REC114: variants seen among roughly 807,000 people sequenced by gnomAD.
The protein encoded by REC114 is meiotic recombination protein REC114.
REC114 carries 27 observed loss-of-function variants against 31.3 expected under a neutral mutation model. The observed-to-expected ratio is 0.86, with a 90% CI of 0.64 to 1.19. The LOEUF is 1.19. REC114 is among the 50% of genes most tolerant of loss of function. The pLI, the probability that REC114 is intolerant of heterozygous loss-of-function variation, is 0.00. For missense variants in REC114, 344 were observed against 326.9 expected (o/e 1.05, Z -0.40); for synonymous variants, 134 against 127.7 (o/e 1.05, Z -0.33).
chr15:73,477,828 T>G (rs1332084990), intron 2 of REC114, among the ~76,000 whole-genome samples: 1 of 152,194 alleles, frequency 6.6e-6, no homozygotes, highest in East Asian at 1.9e-4. Flanking sequence ...TATTTTTATT[T>G]CATGTAGTGG....
chr15:73,474,167 A>G (rs182196243), intron 2 of REC114, among the ~76,000 whole-genome samples: 15 of 152,352 alleles, frequency 9.8e-5, no homozygotes, highest in Admixed American at 8.5e-4. Context: ...AACCAGTATG[A>G]TAAAGGATTC....
intron 2 of REC114, among the ~76,000 whole-genome samples, chr15:73,514,647 CGTT>C (rs1410753494): frequency 3.3e-5 from 5 of 151,764 alleles, no homozygotes; most frequent in Non-Finnish European, 5.9e-5. Context: ...TTTTACAAAT[CGTT>C]GGTTCTATAT....
intron 2 of REC114, among the ~76,000 whole-genome samples, chr15:73,490,998 G>A (rs967294372): frequency 1.3e-4 from 19 of 151,956 alleles, no homozygotes; most frequent in African/African-American, 4.4e-4. Context: ...AGCCTTATCC[G>A]CATCATGCTG....
At chr15:73,451,840 A>G (rs1241021262) in intron 1 of REC114, among the ~76,000 whole-genome samples, 1 of 152,220 alleles carries the variant, frequency 6.6e-6, no homozygotes, top group African/African-American at 2.4e-5. Context: ...TACACAAATC[A>G]ATAAATGTAA....
intron 2 of REC114, among the ~76,000 whole-genome samples, chr15:73,494,246 A>C (rs1893485346): frequency 6.6e-6 from 1 of 152,172 alleles, no homozygotes; most frequent in South Asian, 2.1e-4. Flanking sequence ...TATGAGTTAA[A>C]AGTTCAAGAT....
chr15:73,556,696 AAAG>A (rs1433307251), intron 5 of REC114, among the ~76,000 whole-genome samples: 1 of 152,218 alleles, frequency 6.6e-6, no homozygotes, highest in East Asian at 1.9e-4. Context: ...CTTTCCCAAA[AAAG>A]AATAAATGGA....
At chr15:73,516,649 A>G (rs1398776288) in intron 2 of REC114, among the ~76,000 whole-genome samples, 1 of 151,912 alleles carries the variant, frequency 6.6e-6, no homozygotes. Context: ...AGCTATAAAT[A>G]ATTTTTATAC....
At chr15:73,472,855 G>A (rs544999753) in intron 1 of REC114, among the ~76,000 whole-genome samples, 1 of 152,258 alleles carries the variant, frequency 6.6e-6, no homozygotes, top group Admixed American at 6.5e-5. Flanking sequence ...TGAATAAAGG[G>A]AAGTATGATT....
intron 2 of REC114, among the ~76,000 whole-genome samples, chr15:73,524,008 G>A (rs1278179881): frequency 6.6e-6 from 1 of 151,876 alleles, no homozygotes; most frequent in African/African-American, 2.4e-5. Context: ...TTGTACAAGG[G>A]GTCTTCAAAA....
At chr15:73,543,731 G>A (rs997194395) in intron 3 of REC114, among the ~76,000 whole-genome samples, 1 of 152,054 alleles carries the variant, frequency 6.6e-6, no homozygotes, top group Admixed American at 6.6e-5. Flanking sequence ...TTTATTAACT[G>A]TTTTTTAATT....
Position 73,540,526 on chromosome 15 carries a change from T to C in REC114, c.291T>C (p.Ile97=), listed in dbSNP as rs1346781263. 1 of 1,614,030 alleles carries C rather than the reference T, an allele frequency of 6.2e-7. No homozygotes were observed. Among genetic ancestry groups the C allele is most frequent in the Non-Finnish European group, 8.5e-7 (1 of 1,179,866 alleles). The change falls in exon 3 of 6, where the codon ATT becomes ATC. Residue 97 remains isoleucine (I), a synonymous_variant. Transcript: ENST00000331090. Reference sequence around the variant, plus strand: ...TTGGTAGCAAGGACTGGTTGAAGATTGTAAGACGCGTGGATTGTCTGTTGT... The same window carrying C: ...TTGGTAGCAAGGACTGGTTGAAGATCGTAAGACGCGTGGATTGTCTGTTGT... ...SLIGSKDWLK[I]VRRVDCLLFG... is the part of the protein sequence containing the mutation.
chr15:73,480,270 TTTTTA>T (rs1422088649), intron 2 of REC114, among the ~76,000 whole-genome samples: 1 of 151,902 alleles, frequency 6.6e-6, no homozygotes, highest in Non-Finnish European at 1.5e-5. Context: ...TTGCTAATTT[TTTTTA>T]TTTTTATTTT....
chr15:73,473,402 AAAAAG>A (rs1169338374), intron 1 of REC114, among the ~76,000 whole-genome samples: 2 of 152,060 alleles, frequency 1.3e-5, no homozygotes, highest in East Asian at 1.9e-4. Flanking sequence ...AAAAAAAACA[AAAAAG>A]AAAAGAAAAA....
intron 2 of REC114, among the ~76,000 whole-genome samples, chr15:73,479,091 ATGT>A (rs980156319): frequency 6.6e-6 from 1 of 151,946 alleles, no homozygotes; most frequent in African/African-American, 2.4e-5. Flanking sequence ...GTCCTTTTCA[ATGT>A]TGAATAGCAA....
At chr15:73,493,791 G>A (rs767762516) in intron 2 of REC114, among the ~76,000 whole-genome samples, 16 of 152,186 alleles carry the variant, frequency 1.1e-4, no homozygotes, top group Non-Finnish European at 1.8e-4. Flanking sequence ...GTTGAATACT[G>A]TAGTTATTCA....
chr15:73,445,157 A>T (rs1438670488), intron 1 of REC114, among the ~76,000 whole-genome samples: 1 of 152,204 alleles, frequency 6.6e-6, no homozygotes, highest in African/African-American at 2.4e-5. Flanking sequence ...GTAAATGAGC[A>T]TTGGCTTCAA....
chr15:73,460,584 GA>G (rs1892976852), intron 1 of REC114, among the ~76,000 whole-genome samples: 1 of 152,186 alleles, frequency 6.6e-6, no homozygotes, highest in African/African-American at 2.4e-5. Flanking sequence ...CTTTGTGAAT[GA>G]ATAGAAGAGC....
chr15:73,452,240 G>T (rs567836089), intron 1 of REC114, among the ~76,000 whole-genome samples: 1 of 152,126 alleles, frequency 6.6e-6, no homozygotes, highest in African/African-American at 2.4e-5. Context: ...AAACCCAATC[G>T]TCTCAGCCCA....
At chr15:73,524,916 A>C (rs982073309) in intron 2 of REC114, among the ~76,000 whole-genome samples, 1 of 152,168 alleles carries the variant, frequency 6.6e-6, no homozygotes, top group Non-Finnish European at 1.5e-5. Flanking sequence ...AGAGCTTTCA[A>C]TGGAAATTTT....
Sources: gnomAD v4.1 joint callset for allele counts (sites outside exome capture counted in the v4.1 genomes callset) on GRCh38, gnomAD v4.1.1 for gene constraint, MANE v1.5 for transcripts, NCBI Gene and HGNC (gene_info 2026-07-23, HGNC 2026-07-21) for gene names.